LBR: variants seen among roughly 807,000 people sequenced by gnomAD.
LBR encodes delta(14)-sterol reductase LBR.
LBR carries 28 observed loss-of-function variants against 74.3 expected under a neutral mutation model. That is an observed-to-expected ratio of 0.38 (90% CI 0.28 to 0.52). LBR has a LOEUF of 0.52. Ranked by LOEUF, LBR falls within the 20% of genes least tolerant of loss-of-function variation. LBR has a pLI of 0.89. For synonymous variants in LBR, 228 were observed against 269.3 expected, an observed-to-expected ratio of 0.85 and a Z score of 1.50; for missense variants, 717 against 760.3, an observed-to-expected ratio of 0.94 and a Z score of 0.67.
At position 225,410,416 on chromosome 1, in the gene LBR, C is replaced by T. The variant is rs2096102372; in HGVS notation, c.1189G>A (p.Val397Met). 3 of 1,613,992 alleles carry T rather than the reference C, an allele frequency of 1.9e-6. No individual in the cohort carries two copies. The highest frequency in any genetic ancestry group is 2.5e-6 in the Non-Finnish European group (3 of 1,180,026). Residue 397 changes from valine (V) to methionine (M), a missense_variant and splice_region_variant, in exon 10 of 14, where the codon GTG (valine) becomes ATG (methionine). Physicochemically the swap from Val to Met is conservative, Grantham distance 21. Coordinates refer to ENST00000272163, the MANE Select transcript of LBR (RefSeq NM_002296.4). ...AAAAGCATCACCAAGTTAATAACCACCTGAAACAAAAGGGGAAAGTATATA... is the reference window on the plus strand; with the variant it reads ...AAAAGCATCACCAAGTTAATAACCATCTGAAACAAAAGGGGAAAGTATATA... Reference protein sequence around the residue: ...CELRPGLIGWVVINLVMLLAE... With the variant: ...CELRPGLIGWMVINLVMLLAE...
Position 225,412,447 on chromosome 1 carries a change from T to C in LBR, c.1084+7A>G. The C allele has an allele frequency of 6.2e-7, 1 of 1,613,800 alleles. No individual in the cohort carries two copies. On this transcript the variant is annotated splice_region_variant and intron_variant, in intron 8 of 13. Coordinates refer to ENST00000272163, the MANE Select transcript of LBR (RefSeq NM_002296.4). The stretch of plus-strand genomic sequence containing the variant: ...ATTCATCCAACATGCAATTCATCAC[T>C]GCTCACCAGAGCTGGCAGGCGACAG...
rs1216043543 is a variant in LBR, at chr1:225,419,409, T to C, written c.494A>G (p.Gln165Arg). The change falls in exon 5 of 14, where the codon CAG becomes CGG. Residue 165 changes from glutamine (Q) to arginine (R), a missense_variant. Gln to Arg is a conservative substitution (Grantham distance 43, BLOSUM62 1). Transcript: ENST00000272163. Reference sequence around the variant, plus strand: ...TTCTCTTCTTGGACGAAGGCTATACTGTGTTGCTATGTAACTGCTTTCTTG... The same window carrying C: ...TTCTCTTCTTGGACGAAGGCTATACCGTGTTGCTATGTAACTGCTTTCTTG... ...LSQESSYIAT[Q>R]YSLRPRREEV... The C allele has an allele frequency of 6.2e-7, 1 of 1,613,604 alleles. No homozygotes were observed. The highest frequency in any genetic ancestry group is 8.5e-7 in the Non-Finnish European group (1 of 1,179,502).
chr1:225,416,155 C>A (rs1455600105), intron 6 of LBR, among the ~76,000 whole-genome samples: 1 of 151,462 alleles, frequency 6.6e-6, no homozygotes, highest in Non-Finnish European at 1.5e-5. Flanking sequence ...GCAGATTGCA[C>A]CACTGCACTC....
At chr1:225,419,980 C>T (rs1210137468) in intron 3 of LBR, among the ~76,000 whole-genome samples, 182 bp from the exon 4 acceptor site, 1 of 152,132 alleles carries the variant, frequency 6.6e-6, no homozygotes, top group African/African-American at 2.4e-5. Flanking sequence ...TAGAATTTCC[C>T]AGTCTCTGAA....
rs1209373444 is a variant in LBR at position 225,402,340 on chromosome 1, A to C, written c.*963T>G. On this transcript the variant is annotated 3_prime_UTR_variant, in exon 14 of 14. Transcript: ENST00000272163. ...CAAATTTTCAAACACCGATCTGTGT[A>C]AAAATGTTTAAATATTGATGTTACT... 1.3e-5 allele frequency: 2 copies of C among 152,240 alleles called. No individual in the cohort carries two copies. The highest frequency in any genetic ancestry group is 2.9e-5 in the Non-Finnish European group (2 of 68,018). The allele number at this position is 152,240 out of a possible 1,614,324, so 9.4% of individuals were successfully genotyped here.
chr1:225,418,378 A>T (rs964346242), intron 5 of LBR, among the ~76,000 whole-genome samples, 198 bp from the exon 6 acceptor site: 8 of 151,972 alleles, frequency 5.3e-5, no homozygotes, highest in African/African-American at 1.7e-4. Flanking sequence ...AGTAGTAAAA[A>T]AAATAAATAA....
At position 225,422,178 on chromosome 1, in the gene LBR, G is replaced by C; in HGVS notation, c.265C>G (p.Arg89Gly). Residue 89 changes from arginine to glycine, a missense_variant, in exon 3 of 14, where the codon CGA (arginine) becomes GGA (glycine). Physicochemically the swap from Arg to Gly is moderately radical, Grantham distance 125. Coordinates refer to ENST00000272163, the MANE Select transcript of LBR (RefSeq NM_002296.4). Reference protein sequence around the residue: ...RSRSRSRSPGRPPKSARRSAS... With the variant: ...RSRSRSRSPGGPPKSARRSAS... The stretch of plus-strand genomic sequence containing the variant: ...GATCGGCGGGCACTTTTAGGTGGTC[G>C]ACCAGGGGATCGGGAGCGTGACCTT... 2 of 1,613,424 alleles carry C rather than the reference G, an allele frequency of 1.2e-6. No individual in the cohort carries two copies. Among genetic ancestry groups the C allele is most frequent in the Non-Finnish European group, 1.7e-6 (2 of 1,179,484 alleles).
chr1:225,417,418 C>A (rs1223692036), intron 6 of LBR: 2 of 152,250 alleles, frequency 1.3e-5, no homozygotes, highest in African/African-American at 4.8e-5. Context: ...AATGGAGAGA[C>A]AAATTTTAAA....
intron 3 of LBR, among the ~76,000 whole-genome samples, chr1:225,420,885 C>T (rs1272038178): frequency 3.9e-5 from 6 of 152,076 alleles, no homozygotes; most frequent in African/African-American, 1.2e-4. Flanking sequence ...TATTAAAAGC[C>T]TCAAATCTGC....
At position 225,403,714 on chromosome 1, in the gene LBR, A is replaced by G. The variant is rs16844844; in HGVS notation, c.1688-251T>C. Among the ~76,000 whole-genome samples, 992 of 152,294 alleles carry G rather than the reference A, an allele frequency of 6.5e-3. 3 individuals carry two copies. The highest frequency in any genetic ancestry group is 0.01 in the Non-Finnish European group (687 of 68,022). ...CATCACAATCAAAACATCTGTCCTC[A>G]TAGTTAATACACATCTCTTCATTTC... On this transcript the variant is annotated intron_variant, in intron 13 of 13. Transcript: ENST00000272163.
At chr1:225,404,601 A>C (rs2096087679) in intron 12 of LBR, 25 bp downstream of exon 12, 2 of 1,575,810 alleles carry the variant, frequency 1.3e-6, no homozygotes, top group Non-Finnish European at 1.7e-6. Context: ...TAATATATAT[A>C]ATATAAACAT....
chr1:225,422,008 G>C, intron 3 of LBR, 69 bp downstream of exon 3: 1 of 1,407,706 alleles, frequency 7.1e-7, no homozygotes, highest in Non-Finnish European at 1.0e-6. Flanking sequence ...ATTATTAACT[G>C]CAAGTAACTT....
intron 3 of LBR, among the ~76,000 whole-genome samples, chr1:225,421,361 T>C (rs1453700652): frequency 1.3e-5 from 2 of 152,106 alleles, no homozygotes; most frequent in Non-Finnish European, 2.9e-5. Context: ...GGCATGGTGG[T>C]GGGCGCCTGT....
At chr1:225,405,549 TCCTCACTCTCTCTTGCCCTC>T (rs1394338432) in intron 11 of LBR, among the ~76,000 whole-genome samples, 1 of 152,116 alleles carries the variant, frequency 6.6e-6, no homozygotes, top group Admixed American at 6.5e-5. Flanking sequence ...CTCTTGCTCT[TCCTCACTCTCTCTTGCCCTC>T]CCTCACTCTC....
chr1:225,412,857 T>C (rs558785663), intron 7 of LBR, among the ~76,000 whole-genome samples: 1 of 152,332 alleles, frequency 6.6e-6, no homozygotes, highest in South Asian at 2.1e-4. Flanking sequence ...CCAAATAGTT[T>C]AACATATTGA....
At position 225,401,986 on chromosome 1, in the gene LBR, A is replaced by G. The variant is rs2096082731; in HGVS notation, c.*1317T>C. On this transcript the variant is annotated 3_prime_UTR_variant, in exon 14 of 14. Coordinates refer to ENST00000272163, the MANE Select transcript of LBR (RefSeq NM_002296.4). The stretch of plus-strand genomic sequence containing the variant: ...CACTATGTTTATTACATTCCCCTAC[A>G]TTGAAAGTACTGAGAACAATTTAAC... The G allele has an allele frequency of 6.6e-6, 1 of 152,232 alleles. No homozygotes were observed. The highest frequency in any genetic ancestry group is 1.5e-5 in the Non-Finnish European group (1 of 68,042). The allele number at this position is 152,232 out of a possible 1,614,324, so 9.4% of individuals were successfully genotyped here.
intron 10 of LBR, among the ~76,000 whole-genome samples, chr1:225,408,756 C>A (rs1008305698): frequency 6.6e-6 from 1 of 152,226 alleles, no homozygotes; most frequent in African/African-American, 2.4e-5. Flanking sequence ...TTCTCTACCC[C>A]TGGGGCTATG....
intron 7 of LBR, chr1:225,414,044 C>G (rs962229047): frequency 8.8e-6 from 4 of 456,658 alleles, no homozygotes; most frequent in Non-Finnish European, 1.8e-5. Flanking sequence ...CCAGACTCAC[C>G]TTCCCTGGTG....
intron 10 of LBR, among the ~76,000 whole-genome samples, chr1:225,408,778 T>C (rs1476219576): frequency 6.6e-6 from 1 of 152,256 alleles, no homozygotes; most frequent in East Asian, 1.9e-4. Context: ...TAATATTGCA[T>C]TAAGCGTTTT....
Sources: gnomAD v4.1 joint callset for allele counts (sites outside exome capture counted in the v4.1 genomes callset) on GRCh38, gnomAD v4.1.1 for gene constraint, MANE v1.5 for transcripts, NCBI Gene and HGNC (gene_info 2026-07-23, HGNC 2026-07-21) for gene names.